The following IFT88 variants were observed in gnomAD, a reference collection of about 807,000 sequenced individuals.
The protein encoded by IFT88 is intraflagellar transport protein 88 homolog.
A neutral mutation model predicts 119.5 loss-of-function variants in IFT88; 74 were observed. That is an observed-to-expected ratio of 0.62 (90% CI 0.51 to 0.75). The LOEUF (loss-of-function observed/expected upper bound fraction) is 0.75, where lower values mean the gene tolerates loss of function less well. Ranked by LOEUF, IFT88 falls within the 30% of genes least tolerant of loss-of-function variation. IFT88 has a pLI of 0.00. For synonymous variants in IFT88, 279 were observed against 316.7 expected, an observed-to-expected ratio of 0.88 and a Z score of 1.26; for missense variants, 961 against 977.7, an observed-to-expected ratio of 0.98 and a Z score of 0.23.
chr13:20,620,997 C>T (rs746485562), intron 14 of IFT88, among the ~76,000 whole-genome samples: 2 of 152,218 alleles, frequency 1.3e-5, no homozygotes, highest in African/African-American at 4.8e-5. Context: ...TTGGACTTCT[C>T]AGTCTTCGTA....
chr13:20,687,657 A>G (rs2058071002), intron 24 of IFT88, among the ~76,000 whole-genome samples: 1 of 152,196 alleles, frequency 6.6e-6, no homozygotes, highest in Non-Finnish European at 1.5e-5. Flanking sequence ...GTCTGACGGT[A>G]AGATAGTCTA....
At chr13:20,667,818 G>C (rs2055006398) in intron 23 of IFT88, among the ~76,000 whole-genome samples, 1 of 151,976 alleles carries the variant, frequency 6.6e-6, no homozygotes, top group Non-Finnish European at 1.5e-5. Flanking sequence ...ACACATTCTG[G>C]ATCTGCCCCA....
In IFT88 at chr13:20,591,628, C is replaced by T. The variant is rs1270395802; in HGVS notation, c.275C>T (p.Thr92Ile). 6.2e-7 allele frequency: 1 copy of T among 1,612,118 alleles called. No homozygotes were observed. The highest frequency in any genetic ancestry group is 1.3e-5 in the African/African-American group (1 of 74,948). Residue 92 changes from threonine (T) to isoleucine (I), a missense_variant, in exon 6 of 26, where the codon ACT (threonine) becomes ATT (isoleucine). Transcript: ENST00000351808. ...CCATTCTCTTTAAAGGATGGAGTTACTAGACCCATGACAGCAGTGAGAGCA... is the reference window on the plus strand; with the variant it reads ...CCATTCTCTTTAAAGGATGGAGTTATTAGACCCATGACAGCAGTGAGAGCA... ...PMTGAIQDGVTRPMTAVRAAG... is the reference protein window; with the variant it reads ...PMTGAIQDGVIRPMTAVRAAG...
chr13:20,578,623 C>G (rs923948979), intron 2 of IFT88, among the ~76,000 whole-genome samples: 1 of 152,038 alleles, frequency 6.6e-6, no homozygotes, highest in African/African-American at 2.4e-5. Flanking sequence ...AATCTCAGCT[C>G]ACTGCAACCT....
At chr13:20,647,173 T>G (rs2050884885) in intron 20 of IFT88, among the ~76,000 whole-genome samples, 1 of 152,220 alleles carries the variant, frequency 6.6e-6, no homozygotes. Flanking sequence ...ATAAACTTAC[T>G]TCCACTTGCA....
intron 1 of IFT88, among the ~76,000 whole-genome samples, chr13:20,573,125 C>T (rs1159550909): frequency 1.3e-5 from 2 of 152,148 alleles, no homozygotes; most frequent in Non-Finnish European, 2.9e-5. Context: ...AAACAGCAGT[C>T]ACATCTCCTT....
Position 20,615,786 on chromosome 13 carries a change from G to T in IFT88, c.1113-7G>T, listed in dbSNP as rs1209847672. 1.9e-6 allele frequency: 3 copies of T among 1,555,366 alleles called. No homozygotes were observed. Among genetic ancestry groups the T allele is most frequent in the Admixed American group, 1.9e-5 (1 of 52,734 alleles). On this transcript the variant is annotated splice_polypyrimidine_tract_variant and splice_region_variant and intron_variant, in intron 13 of 25. Coordinates refer to ENST00000351808, the MANE Select transcript of IFT88 (RefSeq NM_006531.5). ...CTAAATACAACTTTTTGGTTTATTT[G>T]ATATAGGAAAGCCATGGCAGAAAAA...
chr13:20,617,441 G>A (rs1348388133), intron 14 of IFT88, among the ~76,000 whole-genome samples: 4 of 152,308 alleles, frequency 2.6e-5, no homozygotes, highest in Admixed American at 6.5e-5. Flanking sequence ...AAGCCGATAC[G>A]TGCAGCCCTG....
At chr13:20,633,842 G>T (rs777994667) in intron 16 of IFT88, among the ~76,000 whole-genome samples, 1 of 152,156 alleles carries the variant, frequency 6.6e-6, no homozygotes, top group Non-Finnish European at 1.5e-5. Context: ...GCATATAGTT[G>T]TATCTGTTTT....
intron 2 of IFT88, among the ~76,000 whole-genome samples, chr13:20,576,746 C>G (rs984888456): frequency 2.0e-5 from 3 of 152,166 alleles, no homozygotes; most frequent in African/African-American, 7.2e-5. Context: ...ATGCCAGTAT[C>G]ATGCTGTTTT....
intron 24 of IFT88, among the ~76,000 whole-genome samples, chr13:20,689,961 C>T (rs765814199): frequency 2.0e-4 from 31 of 152,174 alleles, no homozygotes; most frequent in Non-Finnish European, 3.5e-4. Flanking sequence ...TTTATTTTCC[C>T]GTAACATCAG....
chr13:20,610,518 C>G (rs552230902), intron 13 of IFT88, among the ~76,000 whole-genome samples: 6 of 151,228 alleles, frequency 4.0e-5, no homozygotes, highest in African/African-American at 1.5e-4. Context: ...ATTCTTTGGA[C>G]ATATCATTGA....
intron 1 of IFT88, chr13:20,568,109 C>G: frequency 1.5e-6 from 1 of 663,982 alleles, no homozygotes; most frequent in South Asian, 1.6e-5. Flanking sequence ...ACGTGCGGGC[C>G]GGGGTTGGAA....
intron 14 of IFT88, among the ~76,000 whole-genome samples, chr13:20,621,685 A>C (rs1340131008): frequency 6.6e-6 from 1 of 152,118 alleles, no homozygotes; most frequent in African/African-American, 2.4e-5. Flanking sequence ...AGCCTCCCTC[A>C]CCAATATGCC....
intron 14 of IFT88, among the ~76,000 whole-genome samples, chr13:20,617,888 G>C (rs1170722548): frequency 6.6e-6 from 1 of 152,038 alleles, no homozygotes; most frequent in Admixed American, 6.5e-5. Context: ...CCACTTCCTG[G>C]GTTCAAGTGA....
intron 14 of IFT88, among the ~76,000 whole-genome samples, chr13:20,619,159 TTGTTTA>T (rs2046119054): frequency 6.6e-6 from 1 of 152,224 alleles, no homozygotes. Context: ...TTTTCTGGAA[TTGTTTA>T]TGTTTGTTAA....
chr13:20,590,905 GT>G, intron 4 of IFT88, 61 bp from the exon 5 acceptor site: 1 of 1,178,480 alleles, frequency 8.5e-7, no homozygotes, highest in East Asian at 2.4e-5. Flanking sequence ...CTATAACTTG[GT>G]TTAAACATTT....
At chr13:20,674,724 A>ATATATT (rs1263602871) in intron 24 of IFT88, among the ~76,000 whole-genome samples, 9 of 73,806 alleles carry the variant, frequency 1.2e-4, no homozygotes, top group African/African-American at 3.9e-4. Flanking sequence ...ATATATATAT[A>ATATATT]TTTTTTTTTT....
intron 15 of IFT88, among the ~76,000 whole-genome samples, chr13:20,630,537 A>T (rs1396014627): frequency 2.6e-5 from 4 of 152,118 alleles, no homozygotes; most frequent in Non-Finnish European, 4.4e-5. Flanking sequence ...GCTGCATCAC[A>T]TGACTCCCAA....
Sources: gnomAD v4.1 joint callset for allele counts (sites outside exome capture counted in the v4.1 genomes callset) on GRCh38, gnomAD v4.1.1 for gene constraint, MANE v1.5 for transcripts, NCBI Gene and HGNC (gene_info 2026-07-23, HGNC 2026-07-21) for gene names.